Variants in BANK1 observed in about 807,000 individuals in gnomAD.
BANK1 encodes the protein B-cell scaffold protein with ankyrin repeats.
In BANK1, 95 loss-of-function variants were observed where a neutral mutation model predicts 94.5. The observed-to-expected ratio is 1.00, with a 90% CI of 0.85 to 1.19. The LOEUF (loss-of-function observed/expected upper bound fraction) is 1.19, where lower values mean the gene tolerates loss of function less well. Among genes scored for constraint, BANK1 ranks in the 50% most tolerant of loss-of-function variants. The pLI is 0.00. For missense variants in BANK1, 987 were observed against 932.2 expected (o/e 1.06, Z -0.77); for synonymous variants, 334 against 308.4 (o/e 1.08, Z -0.87).
At chr4:102,018,087 C>T (rs1416525155) in intron 7 of BANK1, among the ~76,000 whole-genome samples, 2 of 152,128 alleles carry the variant, frequency 1.3e-5, no homozygotes, top group Non-Finnish European at 2.9e-5. Context: ...CATTACTCTC[C>T]TATAATGTGC....
chr4:102,062,332 C>T (rs1728444835), intron 12 of BANK1: 1 of 152,136 alleles, frequency 6.6e-6, no homozygotes, highest in African/African-American at 2.4e-5. Context: ...CACCCCTACT[C>T]ACAGTCACAG....
At chr4:101,845,757 T>C (rs1727218692) in intron 2 of BANK1, among the ~76,000 whole-genome samples, 1 of 152,246 alleles carries the variant, frequency 6.6e-6, no homozygotes, top group African/African-American at 2.4e-5. Context: ...TTAGCAATCC[T>C]AACTGAAACA....
chr4:101,866,548 A>G (rs934244026), intron 4 of BANK1, among the ~76,000 whole-genome samples: 4 of 152,142 alleles, frequency 2.6e-5, no homozygotes, highest in African/African-American at 9.7e-5. Context: ...TTACATTCGA[A>G]CTGTAGAAAA....
intron 11 of BANK1, among the ~76,000 whole-genome samples, chr4:102,058,816 A>C (rs900040476): frequency 6.7e-6 from 1 of 150,310 alleles, no homozygotes; most frequent in African/African-American, 2.5e-5. Context: ...AAGTAAAAAA[A>C]AAATAATAAT....
At chr4:101,981,831 A>T (rs1359569030) in intron 7 of BANK1, 1 of 152,110 alleles carries the variant, frequency 6.6e-6, no homozygotes, top group Admixed American at 6.6e-5. Flanking sequence ...AGGTTGTTTT[A>T]CAGGTTCACC....
intron 11 of BANK1, among the ~76,000 whole-genome samples, chr4:102,047,952 G>A (rs1461613220): frequency 1.3e-5 from 2 of 152,026 alleles, no homozygotes; most frequent in African/African-American, 4.8e-5. Context: ...GGGAAACGAG[G>A]ACCTAATTAT....
At chr4:101,951,248 T>G (rs2851330) in intron 7 of BANK1, among the ~76,000 whole-genome samples, 134,959 of 152,146 alleles carry the variant, frequency 0.89, 60,383 homozygotes, top group Non-Finnish European at 0.95. Context: ...GAATCTTAAA[T>G]TAGTCTAAAA....
chr4:101,818,356 A>G (rs1243819257), intron 1 of BANK1, among the ~76,000 whole-genome samples: 1 of 152,208 alleles, frequency 6.6e-6, no homozygotes, highest in Non-Finnish European at 1.5e-5. Flanking sequence ...GTGGAATAGC[A>G]GTTAATATGA....
At chr4:101,908,069 TG>T (rs1722522170) in intron 6 of BANK1, among the ~76,000 whole-genome samples, 1 of 152,196 alleles carries the variant, frequency 6.6e-6, no homozygotes, top group Non-Finnish European at 1.5e-5. Context: ...AAAGGTCATA[TG>T]GAACCAAAAA....
intron 11 of BANK1, among the ~76,000 whole-genome samples, chr4:102,047,367 C>A (rs765030858): frequency 1.3e-5 from 2 of 151,996 alleles, no homozygotes; most frequent in African/African-American, 4.8e-5. Flanking sequence ...AATTTACATG[C>A]AAAAAACTCT....
chr4:101,887,433 A>G (rs1369476791), intron 5 of BANK1, among the ~76,000 whole-genome samples: 1 of 152,198 alleles, frequency 6.6e-6, no homozygotes, highest in Non-Finnish European at 1.5e-5. Context: ...TTCTTATATC[A>G]TGATTACATT....
intron 2 of BANK1, among the ~76,000 whole-genome samples, chr4:101,840,353 GA>G (rs150562097): frequency 1.3e-5 from 2 of 151,972 alleles, no homozygotes; most frequent in African/African-American, 4.8e-5. Flanking sequence ...TAAATTTAAA[GA>G]AAAAAATATA....
At chr4:101,867,988 A>G (rs1368031544) in intron 4 of BANK1, among the ~76,000 whole-genome samples, 1 of 151,556 alleles carries the variant, frequency 6.6e-6, no homozygotes, top group African/African-American at 2.4e-5. Flanking sequence ...TTTAGTGAAT[A>G]GTCTAAGAAC....
chr4:101,805,801 T>G (rs1725531832), intron 1 of BANK1, among the ~76,000 whole-genome samples: 1 of 151,796 alleles, frequency 6.6e-6, no homozygotes, highest in Non-Finnish European at 1.5e-5. Context: ...CTCTTTGGTT[T>G]GTGGAAGAGC....
chr4:102,060,182 T>G (rs768016644), intron 11 of BANK1, 29 bp from the exon 12 acceptor site: 7 of 1,525,936 alleles, frequency 4.6e-6, no homozygotes, highest in African/African-American at 1.4e-5. Context: ...CTGGACTTTC[T>G]GTTAATGCAC....
At chr4:102,073,914 A>AT (rs1728838388) in intron 16 of BANK1, 91 bp from the exon 17 acceptor site, 1 of 532,626 alleles carries the variant, frequency 1.9e-6, no homozygotes, top group Non-Finnish European at 3.3e-6. Context: ...CTGTAGAAAG[A>AT]TTTATGTACA....
chr4:101,791,626 T>C (rs1724991439), intron 1 of BANK1, among the ~76,000 whole-genome samples: 1 of 152,252 alleles, frequency 6.6e-6, no homozygotes, highest in Non-Finnish European at 1.5e-5. Flanking sequence ...ATAAAAATGT[T>C]TTTTAAATTA....
chr4:101,896,143 T>G (rs1432726307), intron 6 of BANK1, among the ~76,000 whole-genome samples: 3 of 151,964 alleles, frequency 2.0e-5, no homozygotes, highest in Non-Finnish European at 4.4e-5. Context: ...GAGATATACA[T>G]GAAAAATTAT....
At chr4:101,918,612 A>G (rs983540791) in intron 7 of BANK1, among the ~76,000 whole-genome samples, 7 of 151,982 alleles carry the variant, frequency 4.6e-5, no homozygotes, top group Non-Finnish European at 7.4e-5. Flanking sequence ...TGTTTAGAAA[A>G]GCAATTGTTT....
Sources: allele counts gnomAD v4.1 joint callset (sites outside exome capture counted in the v4.1 genomes callset), GRCh38; gene constraint gnomAD v4.1.1; transcripts MANE v1.5; gene names NCBI Gene and HGNC (gene_info 2026-07-23, HGNC 2026-07-21).